LPIN2: variants seen among roughly 807,000 people sequenced by gnomAD.
The protein encoded by LPIN2 is lipin 2, also known as phosphatidate phosphatase LPIN2.
A neutral mutation model predicts 111.4 loss-of-function variants in LPIN2; 55 were observed. That is an observed-to-expected ratio of 0.49 (90% CI 0.40 to 0.62). The LOEUF (loss-of-function observed/expected upper bound fraction) is 0.62. LPIN2 is among the 20% of genes least tolerant of loss of function. The probability of loss-of-function intolerance (pLI) is 0.00; values close to 1 mark genes in which losing one functional copy is unlikely to be tolerated. For synonymous variants in LPIN2, 425 were observed against 414.0 expected (o/e 1.03, Z -0.32); for missense variants, 992 against 1,112.1 (o/e 0.89, Z 1.54).
chr18:2,936,610 T>G (rs866234980), intron 7 of LPIN2, among the ~76,000 whole-genome samples: 13 of 152,196 alleles, frequency 8.5e-5, no homozygotes, highest in African/African-American at 2.9e-4. Context: ...AGACAGGGTC[T>G]CACTCTATCA....
intron 4 of LPIN2, among the ~76,000 whole-genome samples, chr18:2,948,615 C>T (rs1207358331): frequency 6.6e-6 from 1 of 152,084 alleles, no homozygotes; most frequent in Non-Finnish European, 1.5e-5. Flanking sequence ...CTTCAGTGCT[C>T]TTTTTGGTAG....
At chr18:3,009,256 A>G (rs964137276) in intron 1 of LPIN2, among the ~76,000 whole-genome samples, 1 of 151,490 alleles carries the variant, frequency 6.6e-6, no homozygotes, top group Non-Finnish European at 1.5e-5. Context: ...AAAATTAGCC[A>G]GGTGTGGTGG....
intron 1 of LPIN2, among the ~76,000 whole-genome samples, chr18:3,002,236 C>CAAAAAAAAAAAAAA (rs765641037): frequency 3.6e-5 from 3 of 82,832 alleles, no homozygotes; most frequent in Admixed American, 1.4e-4. Context: ...TTCAAAAGAC[C>CAAAAAAAAAAAAAA]AAAAAAAAAA....
At position 2,921,018 on chromosome 18, in the gene LPIN2, C is replaced by A. The variant is rs188771076; in HGVS notation, c.2443-137G>T. 3,274 of 715,378 alleles carry A rather than the reference C, an allele frequency of 4.6e-3. 80 individuals carry two copies. The highest frequency in any genetic ancestry group is 0.032 in the South Asian group (2,157 of 68,144). The allele number at this position is 715,378 out of a possible 1,614,324, so 44.3% of individuals were successfully genotyped here. A position where few individuals can be genotyped will look rare whatever the true frequency, so the allele number is the denominator to read the frequency against. On this transcript the variant is annotated intron_variant, in intron 18 of 19. Coordinates refer to ENST00000677752, the MANE Select transcript of LPIN2 (RefSeq NM_001375808.2). ...CGGAGGCGGCACAGTGCAGTTGCCACCAAAACTGAGCTTTAGACAAACCTA... is the reference window on the plus strand; with the variant it reads ...CGGAGGCGGCACAGTGCAGTTGCCAACAAAACTGAGCTTTAGACAAACCTA...
chr18:2,946,534 C>T lies in LPIN2; in HGVS notation c.590+4521G>A. The T allele has an allele frequency of 1.3e-6, 2 of 1,540,276 alleles. 1 individual carries two copies. ...AGCTCCGGTTGTAGCACAGCAAGGCCATTTTTTTTCCCACTGTCACAGGCA... is the reference window on the plus strand; with the variant it reads ...AGCTCCGGTTGTAGCACAGCAAGGCTATTTTTTTTCCCACTGTCACAGGCA... On this transcript the variant is annotated intron_variant, in intron 4 of 19. Transcript: ENST00000677752.
At position 2,926,700 on chromosome 18, in the gene LPIN2, C is replaced by T. The variant is rs111549482; in HGVS notation, c.1793+23G>A. On this transcript the variant is annotated intron_variant, in intron 13 of 19. Transcript: ENST00000677752. ...GCTAGAGGGCCTGAGTGCTATGAGC[C>T]GGGCAGAGGACAGGGCACCCACCTG... The T allele has an allele frequency of 9.2e-4, 1,482 of 1,607,074 alleles. 14 individuals carry two copies. In the African/African-American group the frequency reaches 0.017, roughly 19 times the overall value.
intron 9 of LPIN2, among the ~76,000 whole-genome samples, chr18:2,930,561 A>G (rs530421904): frequency 6.7e-4 from 102 of 152,364 alleles, no homozygotes; most frequent in African/African-American, 2.4e-3. Context: ...GACACTAGTC[A>G]CGGAAAGAAA....
intron 1 of LPIN2, among the ~76,000 whole-genome samples, chr18:3,012,666 C>T (rs1289921565): frequency 1.3e-5 from 2 of 152,006 alleles, no homozygotes; most frequent in Non-Finnish European, 2.9e-5. Flanking sequence ...GGGATGGAGA[C>T]GCGGCCTCCC....
intron 1 of LPIN2, among the ~76,000 whole-genome samples, chr18:2,971,424 C>A (rs1274126406): frequency 6.6e-6 from 1 of 152,086 alleles, no homozygotes; most frequent in East Asian, 1.9e-4. Context: ...GCCCAAGGCC[C>A]CCTGCCCTCT....
At chr18:2,947,861 G>C (rs1368183876) in intron 4 of LPIN2, among the ~76,000 whole-genome samples, 1 of 152,078 alleles carries the variant, frequency 6.6e-6, no homozygotes, top group Non-Finnish European at 1.5e-5. Flanking sequence ...TTCATATGCT[G>C]TTAATGACCG....
rs112720078 is a variant in LPIN2 at position 2,995,503 on chromosome 18, C to T, written c.-10+17584G>A. ...GAATATTGTCTTTTAAATCAATCAC[C>T]TCTGAAGGCTACAATAAATTAATTC... On this transcript the variant is annotated intron_variant, in intron 1 of 19. Transcript: ENST00000677752. Among the ~76,000 whole-genome samples the T allele has an allele frequency of 7.2e-3, 1,100 of 152,306 alleles. 17 individuals are homozygous for T. Among genetic ancestry groups the T allele is most frequent in the African/African-American group, 0.025 (1,033 of 41,556 alleles).
At chr18:3,005,676 T>TAC (rs34050872) in intron 1 of LPIN2, among the ~76,000 whole-genome samples, 4,728 of 146,976 alleles carry the variant, frequency 0.032, 181 homozygotes, top group African/African-American at 0.098. Flanking sequence ...GACACTATCT[T>TAC]ACACACACAC....
intron 2 of LPIN2, among the ~76,000 whole-genome samples, chr18:2,959,128 T>C (rs1447018883): frequency 1.3e-5 from 2 of 152,154 alleles, no homozygotes; most frequent in Non-Finnish European, 2.9e-5. Flanking sequence ...CAATGGAAAG[T>C]TTCTAAGTCC....
At chr18:2,988,010 C>T (rs2078211382) in intron 1 of LPIN2, among the ~76,000 whole-genome samples, 1 of 72,350 alleles carries the variant, frequency 1.4e-5, no homozygotes. Context: ...GAGAGACTGT[C>T]TCAAAAAAAA....
At chr18:2,988,574 C>T (rs1049950569) in intron 1 of LPIN2, among the ~76,000 whole-genome samples, 1 of 152,148 alleles carries the variant, frequency 6.6e-6, no homozygotes, top group Non-Finnish European at 1.5e-5. Flanking sequence ...GAATCCAATT[C>T]CAGATGGTGA....
chr18:2,999,976 G>C (rs2078406819), intron 1 of LPIN2, among the ~76,000 whole-genome samples: 1 of 151,896 alleles, frequency 6.6e-6, no homozygotes, highest in East Asian at 1.9e-4. Context: ...ATCACTTAAG[G>C]CTGGAAGTTC....
rs999755525 is a variant in LPIN2, at chr18:2,917,914, G to A, written c.*2379C>T. ...TCACTGAAGATAGCGCGAGGGTGAT[G>A]CTTCAACTCACCATCCTAAGGGTTT... On this transcript the variant is annotated 3_prime_UTR_variant, in exon 20 of 20. Coordinates refer to ENST00000677752, the MANE Select transcript of LPIN2 (RefSeq NM_001375808.2). 6.6e-6 allele frequency: 1 copy of A among 152,190 alleles called. No homozygotes were observed. Among genetic ancestry groups the A allele is most frequent in the Non-Finnish European group, 1.5e-5 (1 of 68,024 alleles). 9.4% of individuals were successfully genotyped at this position (152,190 alleles called of 1,614,324 possible).
chr18:2,962,356 G>C (rs999910703), intron 1 of LPIN2, among the ~76,000 whole-genome samples: 13 of 152,182 alleles, frequency 8.5e-5, no homozygotes, highest in African/African-American at 2.9e-4. Flanking sequence ...AACAAAATAA[G>C]ATGACATCCT....
chr18:3,000,563 A>C (rs1053693967), intron 1 of LPIN2, among the ~76,000 whole-genome samples: 4 of 152,248 alleles, frequency 2.6e-5, no homozygotes, highest in African/African-American at 9.6e-5. Flanking sequence ...CATGCCCTCC[A>C]TCAGATGTAC....
Sources: gnomAD v4.1 joint callset for allele counts (sites outside exome capture counted in the v4.1 genomes callset) on GRCh38, gnomAD v4.1.1 for gene constraint, MANE v1.5 for transcripts, NCBI Gene and HGNC (gene_info 2026-07-23, HGNC 2026-07-21) for gene names.